Variants in WASF3 observed in about 807,000 individuals in gnomAD.
The protein encoded by WASF3 is actin-binding protein WASF3.
Under a neutral mutation model 46.6 loss-of-function variants are expected in WASF3, and 11 were observed. That is an observed-to-expected ratio of 0.24 (90% confidence interval 0.15 to 0.39). The LOEUF is 0.39. Among genes scored for constraint, WASF3 ranks in the 10% least tolerant of loss-of-function variants. The probability of loss-of-function intolerance (pLI) is 1.00; values close to 1 mark genes in which losing one functional copy is unlikely to be tolerated. For missense variants in WASF3, 576 were observed against 669.8 expected (o/e 0.86, Z 1.55); for synonymous variants, 242 against 259.7 (o/e 0.93, Z 0.65).
chr13:26,558,350 G>A (rs1879170343), intron 1 of WASF3, among the ~76,000 whole-genome samples: 1 of 152,192 alleles, frequency 6.6e-6, no homozygotes, highest in Non-Finnish European at 1.5e-5. Context: ...CCGCGTGCGT[G>A]TTGGTTGCGG....
At position 26,682,600 on chromosome 13, in the gene WASF3, C is replaced by T; in HGVS notation, c.984-7C>T. 1 of 1,614,118 alleles carries T rather than the reference C, an allele frequency of 6.2e-7. No homozygotes were observed. Among genetic ancestry groups the T allele is most frequent in the Non-Finnish European group, 8.5e-7 (1 of 1,180,026 alleles). On this transcript the variant is annotated splice_region_variant and splice_polypyrimidine_tract_variant and intron_variant, in intron 8 of 9. Coordinates refer to ENST00000335327, the MANE Select transcript of WASF3 (RefSeq NM_006646.6). The surrounding 1 kb of genome is among the most constrained non-coding windows in gnomAD (Gnocchi z 4.4). Reference sequence around the variant, plus strand: ...CTTGGTGACTATGTGCCTCATATCTCTCTCAGGATGCTCCCAGCGCAGATA... The same window carrying T: ...CTTGGTGACTATGTGCCTCATATCTTTCTCAGGATGCTCCCAGCGCAGATA...
chr13:26,565,227 A>G (rs1879428006), intron 1 of WASF3, among the ~76,000 whole-genome samples: 1 of 151,774 alleles, frequency 6.6e-6, no homozygotes, highest in Non-Finnish European at 1.5e-5. Flanking sequence ...AGGGCTCATG[A>G]ATTTCAAAAC....
upstream of WASF3, among the ~76,000 whole-genome samples, chr13:26,554,061 T>C: frequency 2.4e-5 from 2 of 82,910 alleles, no homozygotes; most frequent in Non-Finnish European, 4.8e-5. Flanking sequence ...CCTTCCTTCC[T>C]TCCTTCCTTC....
chr13:26,669,505 GA>G (rs201659663), intron 5 of WASF3, among the ~76,000 whole-genome samples: 41 of 90,310 alleles, frequency 4.5e-4, no homozygotes, highest in Admixed American at 9.2e-4. Flanking sequence ...CAAAGTGACT[GA>G]AAAAAAAATT....
chr13:26,651,520 A>G (rs761798199), intron 3 of WASF3, among the ~76,000 whole-genome samples: 18 of 152,216 alleles, frequency 1.2e-4, no homozygotes, highest in East Asian at 1.9e-4. Flanking sequence ...TTGTCATTCT[A>G]TAATTCTATA....
the WASF3 span, among the ~76,000 whole-genome samples, chr13:26,541,260 G>A: frequency 2.5e-4 from 38 of 152,228 alleles, no homozygotes; most frequent in African/African-American, 8.4e-4. Context: ...GAGTCCCAAC[G>A]TGTTGGGCGC....
the WASF3 span, among the ~76,000 whole-genome samples, chr13:26,548,435 C>T: frequency 6.6e-6 from 1 of 152,184 alleles, no homozygotes; most frequent in South Asian, 2.1e-4. Flanking sequence ...TCAGTTGAAG[C>T]CTTAATTATA....
intron 2 of WASF3, among the ~76,000 whole-genome samples, chr13:26,633,829 A>G (rs1329659500): frequency 6.6e-6 from 1 of 152,160 alleles, no homozygotes; most frequent in Admixed American, 6.5e-5. Flanking sequence ...CTGAGTTCTA[A>G]TTTGATTGCA....
chr13:26,612,177 T>C (rs1881000979), intron 1 of WASF3, among the ~76,000 whole-genome samples: 1 of 152,204 alleles, frequency 6.6e-6, no homozygotes, highest in Non-Finnish European at 1.5e-5. Flanking sequence ...CAAACAGGCA[T>C]TTTCTTATTC....
At chr13:26,581,440 A>T (rs1336585301) in intron 1 of WASF3, among the ~76,000 whole-genome samples, 3 of 150,568 alleles carry the variant, frequency 2.0e-5, no homozygotes, top group Admixed American at 2.0e-4. Context: ...TAGGCCAGCC[A>T]ATTTTTTTTT....
chr13:26,564,131 C>G (rs1404167922), intron 1 of WASF3, among the ~76,000 whole-genome samples: 1 of 152,184 alleles, frequency 6.6e-6, no homozygotes, highest in Non-Finnish European at 1.5e-5. Context: ...AGGCACTGTT[C>G]TAGTTAGCAG....
At chr13:26,642,982 A>G (rs1268611923) in intron 3 of WASF3, among the ~76,000 whole-genome samples, 1 of 152,222 alleles carries the variant, frequency 6.6e-6, no homozygotes, top group Non-Finnish European at 1.5e-5. Context: ...TGTATATGGT[A>G]CCACGTATAT....
intron 1 of WASF3, among the ~76,000 whole-genome samples, chr13:26,589,056 A>G (rs1296133730): frequency 6.6e-6 from 1 of 152,130 alleles, no homozygotes; most frequent in Non-Finnish European, 1.5e-5. Flanking sequence ...AGTCTCTCAA[A>G]GTGCTGGGAT....
At position 26,681,130 on chromosome 13, in the gene WASF3, C is replaced by A. The variant is rs1340392397; in HGVS notation, c.793C>A (p.Pro265Thr). 6.2e-7 allele frequency: 1 copy of A among 1,614,204 alleles called. No homozygotes were observed. Among genetic ancestry groups the A allele is most frequent in the Non-Finnish European group, 8.5e-7 (1 of 1,180,024 alleles). ...TTCTCTGCACCCCCAGCCTGTGACC[C>A]CTTCCTATGCAGCTGGTGACGTGCC... ...NHSLHPQPVT[P>T]SYAAGDVPPH... The change falls in exon 8 of 10, where the codon CCT (proline) becomes ACT (threonine). Residue 265 changes from proline (P) to threonine (T), a missense_variant. Coordinates refer to ENST00000335327, the MANE Select transcript of WASF3 (RefSeq NM_006646.6).
chr13:26,642,736 A>C (rs1003741070), intron 3 of WASF3, among the ~76,000 whole-genome samples: 45 of 152,354 alleles, frequency 3.0e-4, no homozygotes, highest in African/African-American at 1.1e-3. Context: ...TTATTTTGTT[A>C]AACTTGAATA....
upstream of WASF3, among the ~76,000 whole-genome samples, chr13:26,555,913 C>G (rs572575491): frequency 6.6e-6 from 1 of 152,308 alleles, no homozygotes; most frequent in African/African-American, 2.4e-5. Flanking sequence ...AATCCTCTAA[C>G]AAGACTGCTC....
intron 6 of WASF3, among the ~76,000 whole-genome samples, chr13:26,675,605 G>T (rs921598682): frequency 6.8e-6 from 1 of 146,892 alleles, no homozygotes; most frequent in Non-Finnish European, 1.5e-5. Flanking sequence ...ACCTTTATTT[G>T]TGTCCTCTTG....
the WASF3 span, among the ~76,000 whole-genome samples, chr13:26,551,475 C>T: frequency 2.0e-5 from 3 of 152,182 alleles, no homozygotes; most frequent in African/African-American, 7.2e-5. Flanking sequence ...CAAATATTAG[C>T]TCTATGCCTA....
chr13:26,599,413 G>T (rs933467070), intron 1 of WASF3, among the ~76,000 whole-genome samples: 7 of 152,032 alleles, frequency 4.6e-5, no homozygotes, highest in Non-Finnish European at 1.0e-4. Context: ...CCTTCCTCCT[G>T]GTGTCAGGCT....
Sources: gnomAD v4.1 joint callset for allele counts (sites outside exome capture counted in the v4.1 genomes callset) on GRCh38, gnomAD v4.1.1 for gene constraint, Gnocchi (gnomAD v3.1) non-coding constraint, MANE v1.5 for transcripts, NCBI Gene and HGNC (gene_info 2026-07-23, HGNC 2026-07-21) for gene names.